The following SEZ6L variants were observed in gnomAD, a reference collection of about 807,000 sequenced individuals.
SEZ6L encodes the protein seizure 6-like protein.
In SEZ6L, 37 loss-of-function variants were observed where a neutral mutation model predicts 106.2. The observed-to-expected ratio is 0.35, with a 90% confidence interval of 0.27 to 0.46. The LOEUF (loss-of-function observed/expected upper bound fraction) is 0.46, where lower values mean the gene tolerates loss of function less well. Among genes scored for constraint, SEZ6L ranks in the 20% least tolerant of loss-of-function variants. The probability of loss-of-function intolerance (pLI) is 1.00; values close to 1 mark genes in which losing one functional copy is unlikely to be tolerated. For missense variants in SEZ6L, 1,172 were observed against 1,332.8 expected (o/e 0.88, Z 1.88); for synonymous variants, 541 against 570.4 (o/e 0.95, Z 0.73).
At chr22:26,235,941 A>G (rs1362404837) in intron 1 of SEZ6L, among the ~76,000 whole-genome samples, 2 of 152,248 alleles carry the variant, frequency 1.3e-5, no homozygotes, top group Admixed American at 6.5e-5. Context: ...ATGAAGCTGC[A>G]TGAGTCACTG....
At chr22:26,211,422 C>T (rs1189565640) in intron 1 of SEZ6L, among the ~76,000 whole-genome samples, 1 of 152,146 alleles carries the variant, frequency 6.6e-6, no homozygotes, top group Admixed American at 6.5e-5. Context: ...ACCTCAGGTC[C>T]TAGGCCCAGA....
chr22:26,244,897 T>C (rs529240607), intron 1 of SEZ6L, among the ~76,000 whole-genome samples: 1 of 152,232 alleles, frequency 6.6e-6, no homozygotes, highest in African/African-American at 2.4e-5. Context: ...AGAGGGAGAC[T>C]TAAATAGCAG....
rs775321066 is a variant in SEZ6L at position 26,382,541 on chromosome 22, CATT to C, written c.*2247_*2249del. ...TTTTTTGTTTTTTTGTTGTTGTTGT[CATT>C]GTTGTTTTTTTCAGAAGACCAGTGT... On this transcript the variant is annotated 3_prime_UTR_variant, in exon 17 of 17. Transcript: ENST00000248933. The C allele has an allele frequency of 3.3e-5, 5 of 152,538 alleles. No individual in the cohort carries two copies. The highest frequency in any genetic ancestry group is 1.9e-4 in the East Asian group (1 of 5,196). 9.4% of individuals were successfully genotyped at this position (152,538 alleles called of 1,614,324 possible).
intron 9 of SEZ6L, among the ~76,000 whole-genome samples, chr22:26,328,834 C>A (rs1450957729): frequency 6.6e-6 from 1 of 152,166 alleles, no homozygotes; most frequent in Non-Finnish European, 1.5e-5. Flanking sequence ...CTGGGAGCCT[C>A]TCTGAAGTCA....
At chr22:26,197,345 A>G (rs2145670451) in intron 1 of SEZ6L, among the ~76,000 whole-genome samples, 1 of 152,302 alleles carries the variant, frequency 6.6e-6, no homozygotes, top group Admixed American at 6.5e-5. Flanking sequence ...GTGTACATTT[A>G]CCTTCTATTG....
Position 26,381,079 on chromosome 22 carries a change from CTCTT to C in SEZ6L, c.*787_*790del, listed in dbSNP as rs2084396301. The C allele has an allele frequency of 6.6e-6, 1 of 152,162 alleles. No individual in the cohort carries two copies. Among genetic ancestry groups the C allele is most frequent in the Non-Finnish European group, 1.5e-5 (1 of 68,042 alleles). The allele number at this position is 152,162 out of a possible 1,614,324, so 9.4% of individuals were successfully genotyped here. The stretch of plus-strand genomic sequence containing the variant: ...GGTTAAAATGTTCTTTTCTTTGACA[CTCTT>C]TCAATGATGAAAGAGCGTGTAATTT... On this transcript the variant is annotated 3_prime_UTR_variant, in exon 17 of 17. Transcript: ENST00000248933.
intron 9 of SEZ6L, among the ~76,000 whole-genome samples, chr22:26,335,625 C>G (rs1369826602): frequency 6.6e-6 from 1 of 152,126 alleles, no homozygotes; most frequent in African/African-American, 2.4e-5. Flanking sequence ...AGTAGGAAGC[C>G]ACTTTTAAGG....
chr22:26,329,898 T>C (rs1471898709), intron 9 of SEZ6L, among the ~76,000 whole-genome samples: 5 of 152,270 alleles, frequency 3.3e-5, no homozygotes, highest in African/African-American at 1.2e-4. Flanking sequence ...TTTTATTGCA[T>C]ACAACGGAAT....
At chr22:26,329,978 T>C (rs1264718608) in intron 9 of SEZ6L, among the ~76,000 whole-genome samples, 2 of 152,268 alleles carry the variant, frequency 1.3e-5, no homozygotes, top group Admixed American at 6.5e-5. Flanking sequence ...TCTCTACTGT[T>C]CCATAAAGAT....
At position 26,296,875 on chromosome 22, in the gene SEZ6L, T is replaced by C; in HGVS notation, c.970-13T>C. 1 of 1,565,398 alleles carries C rather than the reference T, an allele frequency of 6.4e-7. No homozygotes were observed. Among genetic ancestry groups the C allele is most frequent in the Non-Finnish European group, 8.7e-7 (1 of 1,150,722 alleles). On this transcript the variant is annotated splice_polypyrimidine_tract_variant and intron_variant, in intron 3 of 16. Coordinates refer to ENST00000248933, the MANE Select transcript of SEZ6L (RefSeq NM_021115.5). ...CTCAGAGTTCCTCTCTGTCTGCTTCTGCCTGTTCCCAGGTGAAGAGTGTGA... is the reference window on the plus strand; with the variant it reads ...CTCAGAGTTCCTCTCTGTCTGCTTCCGCCTGTTCCCAGGTGAAGAGTGTGA...
At chr22:26,240,251 T>C (rs1332835157) in intron 1 of SEZ6L, among the ~76,000 whole-genome samples, 1 of 152,068 alleles carries the variant, frequency 6.6e-6, no homozygotes, top group African/African-American at 2.4e-5. Flanking sequence ...TGACTTTTTT[T>C]CAAAGGCTCA....
At position 26,381,721 on chromosome 22, in the gene SEZ6L, G is replaced by A. The variant is rs543899595; in HGVS notation, c.*1426G>A. The stretch of plus-strand genomic sequence containing the variant: ...TTTCTAAATACAGGTATAAAGAGAA[G>A]GTGGAGGGTGCGGGTGCATGGAAGA... On this transcript the variant is annotated 3_prime_UTR_variant, in exon 17 of 17. Transcript: ENST00000248933. 36 of 201,262 alleles carry A rather than the reference G, an allele frequency of 1.8e-4. No homozygotes were observed. The Middle Eastern group carries it at 6.0e-3, about 34-fold the overall frequency. The allele number at this position is 201,262 out of a possible 1,614,324, so 12.5% of individuals were successfully genotyped here.
At chr22:26,248,598 A>G (rs1209411451) in intron 1 of SEZ6L, among the ~76,000 whole-genome samples, 1 of 152,254 alleles carries the variant, frequency 6.6e-6, no homozygotes, top group East Asian at 1.9e-4. Context: ...AAGGTTGCCC[A>G]GCCGTGAATC....
At chr22:26,355,686 C>G (rs1026192075) in intron 12 of SEZ6L, among the ~76,000 whole-genome samples, 3 of 152,174 alleles carry the variant, frequency 2.0e-5, no homozygotes, top group African/African-American at 7.2e-5. Context: ...GCAGAGATCA[C>G]GCCACTGCAC....
At chr22:26,369,928 T>G (rs544229567) in intron 13 of SEZ6L, among the ~76,000 whole-genome samples, 1 of 152,268 alleles carries the variant, frequency 6.6e-6, no homozygotes, top group South Asian at 2.1e-4. Flanking sequence ...GAATTTATTT[T>G]TGATAGCACA....
intron 9 of SEZ6L, among the ~76,000 whole-genome samples, chr22:26,325,667 T>A (rs1178407377): frequency 6.6e-6 from 1 of 152,210 alleles, no homozygotes; most frequent in Non-Finnish European, 1.5e-5. Flanking sequence ...ATTCTTTCAC[T>A]GAGTGGCTGT....
At chr22:26,262,346 G>A (rs1379031795) in intron 1 of SEZ6L, among the ~76,000 whole-genome samples, 1 of 151,684 alleles carries the variant, frequency 6.6e-6, no homozygotes, top group Non-Finnish European at 1.5e-5. Flanking sequence ...GCAGGTGTGA[G>A]ACTCAACTGC....
At chr22:26,247,123 G>C (rs538090405) in intron 1 of SEZ6L, among the ~76,000 whole-genome samples, 102 of 152,288 alleles carry the variant, frequency 6.7e-4, no homozygotes, top group African/African-American at 2.3e-3. Flanking sequence ...TGACTGCCTG[G>C]CTGTGTTCTT....
chr22:26,332,768 G>A (rs2082528549), intron 9 of SEZ6L, among the ~76,000 whole-genome samples: 1 of 152,102 alleles, frequency 6.6e-6, no homozygotes, highest in South Asian at 2.1e-4. Context: ...TTTAATTTGT[G>A]TTTTTTTATT....
Sources: allele counts gnomAD v4.1 joint callset (sites outside exome capture counted in the v4.1 genomes callset), GRCh38; gene constraint gnomAD v4.1.1; transcripts MANE v1.5; gene names NCBI Gene and HGNC (gene_info 2026-07-23, HGNC 2026-07-21).